MYLK: variants seen among roughly 807,000 people sequenced by gnomAD.
The protein encoded by MYLK is myosin light chain kinase, smooth muscle.
A neutral mutation model predicts 203.4 loss-of-function variants in MYLK; 106 were observed. The observed-to-expected ratio is 0.52, with a 90% CI of 0.45 to 0.61. MYLK has a LOEUF of 0.61. MYLK is among the 20% of genes least tolerant of loss of function. The pLI is 0.00. For missense variants in MYLK, 2,072 were observed against 2,442.3 expected, an observed-to-expected ratio of 0.85 and a Z score of 3.20; for synonymous variants, 867 against 959.5, an observed-to-expected ratio of 0.90 and a Z score of 1.78.
chr3:123,705,428 C>G (rs2061425324), intron 16 of MYLK, among the ~76,000 whole-genome samples: 1 of 152,292 alleles, frequency 6.6e-6, no homozygotes, highest in East Asian at 1.9e-4. Flanking sequence ...TTGGGAGAAA[C>G]TCCCCAAGCA....
chr3:123,658,771 T>C (rs1415550113), intron 23 of MYLK, among the ~76,000 whole-genome samples: 3 of 152,220 alleles, frequency 2.0e-5, no homozygotes. Context: ...TGGCTGCAAA[T>C]GACCCTGTGT....
chr3:123,838,563 G>A (rs1490521218), intron 2 of MYLK, among the ~76,000 whole-genome samples: 1 of 152,100 alleles, frequency 6.6e-6, no homozygotes, highest in Non-Finnish European at 1.5e-5. Context: ...AGTAAAAATA[G>A]TAGTAATGTA....
intron 13 of MYLK, among the ~76,000 whole-genome samples, chr3:123,720,258 G>A (rs2062040470): frequency 6.6e-6 from 1 of 152,174 alleles, no homozygotes; most frequent in African/African-American, 2.4e-5. Context: ...AGGCCCGGGA[G>A]TCAGGAGGAT....
chr3:123,694,559 G>C (rs1309030544), intron 18 of MYLK, among the ~76,000 whole-genome samples: 1 of 152,150 alleles, frequency 6.6e-6, no homozygotes, highest in African/African-American at 2.4e-5. Flanking sequence ...GTCAGGGTGG[G>C]GCTAAGGCTT....
chr3:123,669,090 C>T (rs911445050), intron 20 of MYLK, among the ~76,000 whole-genome samples: 28 of 152,216 alleles, frequency 1.8e-4, no homozygotes, highest in East Asian at 1.9e-4. Flanking sequence ...TGCATTTCCA[C>T]GACAGGACAC....
chr3:123,766,031 C>T (rs558846984), intron 4 of MYLK, among the ~76,000 whole-genome samples: 1 of 152,234 alleles, frequency 6.6e-6, no homozygotes, highest in Non-Finnish European at 1.5e-5. Flanking sequence ...GTACTTAGTG[C>T]CGCTGAACTG....
chr3:123,735,379 T>A lies in MYLK; in HGVS notation c.773+19A>T. 6.2e-7 allele frequency: 1 copy of A among 1,613,770 alleles called. No homozygotes were observed. Among genetic ancestry groups the A allele is most frequent in the Non-Finnish European group, 8.5e-7 (1 of 1,179,884 alleles). On this transcript the variant is annotated intron_variant, in intron 9 of 33. Coordinates refer to ENST00000360304, the MANE Select transcript of MYLK (RefSeq NM_053025.4). Reference sequence around the variant, plus strand: ...CATTTCAAGAGGGAAAACGTAAAAGTCACAAAGCCTAGACATACCTATTGG... The same window carrying A: ...CATTTCAAGAGGGAAAACGTAAAAGACACAAAGCCTAGACATACCTATTGG...
chr3:123,726,203 C>G, intron 11 of MYLK, 125 bp from the exon 12 acceptor site: 1 of 1,260,728 alleles, frequency 7.9e-7, no homozygotes, highest in Non-Finnish European at 1.1e-6. Flanking sequence ...GGCAGCCTGC[C>G]TTTGGCTTCT....
intron 4 of MYLK, among the ~76,000 whole-genome samples, chr3:123,778,512 CAAAAAA>C (rs5852365): frequency 6.9e-4 from 68 of 98,132 alleles, no homozygotes; most frequent in African/African-American, 2.0e-3. Context: ...GACTCTGCCT[CAAAAAA>C]AAAAAAAAAA....
intron 29 of MYLK, among the ~76,000 whole-genome samples, chr3:123,634,782 A>G (rs546640879): frequency 6.6e-5 from 10 of 152,256 alleles, no homozygotes; most frequent in Admixed American, 5.2e-4. Flanking sequence ...TAGGGGAGGG[A>G]GACAGCAGGG....
At chr3:123,707,420 TAAC>T (rs2061501746) in intron 16 of MYLK, among the ~76,000 whole-genome samples, 1 of 152,244 alleles carries the variant, frequency 6.6e-6, no homozygotes, top group Non-Finnish European at 1.5e-5. Context: ...CAGCAACAGA[TAAC>T]AAATGCATTC....
chr3:123,806,206 T>C (rs1348566063), intron 3 of MYLK, among the ~76,000 whole-genome samples: 1 of 152,232 alleles, frequency 6.6e-6, no homozygotes, highest in African/African-American at 2.4e-5. Flanking sequence ...CACTGAAAAA[T>C]GGCTGGATTG....
At chr3:123,861,711 A>G (rs1246246482) in intron 2 of MYLK, among the ~76,000 whole-genome samples, 1 of 152,212 alleles carries the variant, frequency 6.6e-6, no homozygotes, top group Non-Finnish European at 1.5e-5. Context: ...CTAATCCAGC[A>G]CAGAGTCTCA....
intron 24 of MYLK, among the ~76,000 whole-genome samples, chr3:123,652,062 CA>C (rs974144343): frequency 1.1e-4 from 16 of 152,164 alleles, no homozygotes; most frequent in African/African-American, 3.4e-4. Context: ...GCCTGTGCAA[CA>C]GAGTGAGACC....
At chr3:123,744,010 G>GT (rs1342931270) in intron 5 of MYLK, among the ~76,000 whole-genome samples, 27 of 152,138 alleles carry the variant, frequency 1.8e-4, no homozygotes, top group African/African-American at 6.3e-4. Context: ...ACTTCAAAGT[G>GT]TTTTTTGAGG....
rs1488996231 is a variant in MYLK, at chr3:123,611,217, G to T, written c.*2888C>A. On this transcript the variant is annotated 3_prime_UTR_variant, in exon 34 of 34. Coordinates refer to ENST00000360304, the MANE Select transcript of MYLK (RefSeq NM_053025.4). ...TATCTAGCCCTACATTTAACAGCAT[G>T]TCTTAAACTCTTTCTAGACCATCCA... 6.6e-6 allele frequency: 1 copy of T among 152,136 alleles called. No homozygotes were observed. The highest frequency in any genetic ancestry group is 1.5e-5 in the Non-Finnish European group (1 of 68,020). The allele number at this position is 152,136 out of a possible 1,614,324, so 9.4% of individuals were successfully genotyped here.
intron 5 of MYLK, among the ~76,000 whole-genome samples, chr3:123,751,603 T>A (rs2063195169): frequency 6.6e-6 from 1 of 152,222 alleles, no homozygotes; most frequent in Admixed American, 6.5e-5. Flanking sequence ...CCTCAAATAT[T>A]TCAGTATCTA....
At chr3:123,855,860 T>C (rs1284085211) in intron 2 of MYLK, among the ~76,000 whole-genome samples, 2 of 152,132 alleles carry the variant, frequency 1.3e-5, no homozygotes, top group African/African-American at 2.4e-5. Context: ...ATTTGGGACC[T>C]TCTGCTTTTA....
chr3:123,687,001 C>G (rs896974461), intron 19 of MYLK, among the ~76,000 whole-genome samples: 1 of 152,132 alleles, frequency 6.6e-6, no homozygotes. Flanking sequence ...GCGGGTGGAT[C>G]ACCTGAGGTC....
Sources: allele counts gnomAD v4.1 joint callset (sites outside exome capture counted in the v4.1 genomes callset), GRCh38; gene constraint gnomAD v4.1.1; transcripts MANE v1.5; gene names NCBI Gene and HGNC (gene_info 2026-07-23, HGNC 2026-07-21).